RXFP1: variants seen among roughly 807,000 people sequenced by gnomAD.
The protein encoded by RXFP1 is relaxin receptor 1.
A neutral mutation model predicts 89.8 loss-of-function variants in RXFP1; 73 were observed. The observed-to-expected ratio is 0.81, with a 90% CI of 0.67 to 0.99. RXFP1 has a LOEUF of 0.99. Ranked by LOEUF, RXFP1 falls within the 50% of genes least tolerant of loss-of-function variation. The probability of loss-of-function intolerance (pLI) is 0.00; values close to 1 mark genes in which losing one functional copy is unlikely to be tolerated. For synonymous variants in RXFP1, 277 were observed against 305.5 expected, an observed-to-expected ratio of 0.91 and a Z score of 0.97; for missense variants, 793 against 895.5, an observed-to-expected ratio of 0.89 and a Z score of 1.46.
Position 158,600,453 on chromosome 4 carries a change from T to C in RXFP1, c.392+1022T>C, listed in dbSNP as rs147957876. ...AAAGAGGGAACATTTCCACTTGAAC[T>C]AAGGAAAAGAAGAGCTCTTCAGCAT... On this transcript the variant is annotated intron_variant, in intron 4 of 17. Coordinates refer to ENST00000307765, the MANE Select transcript of RXFP1 (RefSeq NM_021634.4). Among the ~76,000 whole-genome samples, 6 of 152,292 alleles carry C rather than the reference T, an allele frequency of 3.9e-5. No homozygotes were observed. The South Asian group carries it at 6.2e-4, about 16-fold the overall frequency.
At chr4:158,590,042 A>C (rs1451557090) in intron 2 of RXFP1, among the ~76,000 whole-genome samples, 1 of 152,086 alleles carries the variant, frequency 6.6e-6, no homozygotes. Flanking sequence ...ACAGAGTGAG[A>C]CCCTGTCTCA....
At chr4:158,566,317 C>T (rs1038752119) in intron 1 of RXFP1, among the ~76,000 whole-genome samples, 1 of 152,134 alleles carries the variant, frequency 6.6e-6, no homozygotes, top group South Asian at 2.1e-4. Flanking sequence ...TGTTCTTTAT[C>T]CAATACTTGC....
intron 3 of RXFP1, among the ~76,000 whole-genome samples, chr4:158,594,420 G>T (rs1760130827): frequency 6.6e-6 from 1 of 152,096 alleles, no homozygotes; most frequent in South Asian, 2.1e-4. Flanking sequence ...TGGTAGTGGT[G>T]CTGGTTGTGG....
intron 2 of RXFP1, among the ~76,000 whole-genome samples, chr4:158,577,728 G>GA (rs1756537308): frequency 2.0e-5 from 3 of 151,900 alleles, no homozygotes; most frequent in Admixed American, 6.6e-5. Flanking sequence ...GGATATCGCT[G>GA]AAAAAAATGA....
chr4:158,579,696 A>G (rs1300309302), intron 2 of RXFP1, among the ~76,000 whole-genome samples: 7 of 152,256 alleles, frequency 4.6e-5, no homozygotes, highest in African/African-American at 1.4e-4. Context: ...TAAGGTCGAC[A>G]TAAAGTTCTG....
At chr4:158,648,826 A>T in intron 17 of RXFP1, 109 bp downstream of exon 17, 1 of 729,128 alleles carries the variant, frequency 1.4e-6, no homozygotes, top group Non-Finnish European at 2.2e-6. Context: ...AGAATTGTAC[A>T]TCAGATCCGA....
At chr4:158,629,769 A>C (rs999998621) in intron 11 of RXFP1, among the ~76,000 whole-genome samples, 7 of 151,866 alleles carry the variant, frequency 4.6e-5, no homozygotes, top group African/African-American at 1.7e-4. Flanking sequence ...CTACGACTAT[A>C]GCACACCACC....
intron 2 of RXFP1, among the ~76,000 whole-genome samples, chr4:158,573,792 A>G (rs1021861910): frequency 6.6e-6 from 1 of 152,208 alleles, no homozygotes; most frequent in African/African-American, 2.4e-5. Flanking sequence ...ATAAAAGGGC[A>G]TGGTAATTGT....
intron 1 of RXFP1, among the ~76,000 whole-genome samples, chr4:158,542,105 A>ATTT (rs1239980342): frequency 2.4e-4 from 6 of 25,108 alleles, no homozygotes; most frequent in African/African-American, 3.8e-4. Context: ...ATATATATAT[A>ATTT]TATATTTTTT....
intron 11 of RXFP1, among the ~76,000 whole-genome samples, chr4:158,631,802 G>T (rs1452199812): frequency 6.6e-6 from 1 of 152,112 alleles, no homozygotes; most frequent in African/African-American, 2.4e-5. Flanking sequence ...ATATTTAAAG[G>T]TTCATTATGG....
intron 11 of RXFP1, among the ~76,000 whole-genome samples, chr4:158,631,822 G>A (rs892245924): frequency 2.6e-5 from 4 of 152,232 alleles, no homozygotes; most frequent in Non-Finnish European, 5.9e-5. Context: ...GCCAGGCGCA[G>A]TGGCTCACAT....
intron 13 of RXFP1, among the ~76,000 whole-genome samples, chr4:158,638,821 A>AG (rs1160365576): frequency 6.6e-6 from 1 of 151,540 alleles, no homozygotes; most frequent in Non-Finnish European, 1.5e-5. Context: ...CAAAAAAAAA[A>AG]AAAAAAGGTA....
intron 15 of RXFP1, chr4:158,646,306 T>G (rs1359091321): frequency 8.6e-6 from 4 of 462,914 alleles, no homozygotes; most frequent in South Asian, 6.2e-5. Context: ...ATTATAGGCT[T>G]CAGAATTCAG....
chr4:158,543,948 A>C (rs1035814987), intron 1 of RXFP1: 17 of 985,274 alleles, frequency 1.7e-5, no homozygotes, highest in South Asian at 4.7e-5. Flanking sequence ...GCCTCTGAGG[A>C]TTCTTGGTGC....
At position 158,546,769 on chromosome 4, in the gene RXFP1, T is replaced by C. The variant is rs192280792; in HGVS notation, c.49+24744T>C. On this transcript the variant is annotated intron_variant, in intron 1 of 17. Coordinates refer to ENST00000307765, the MANE Select transcript of RXFP1 (RefSeq NM_021634.4). ...ATTACGTTTATTGATTTCCATATGT[T>C]GAACCAGCCTTGCATCCCAGGGATG... Among the ~76,000 whole-genome samples, 207 of 152,178 alleles carry C rather than the reference T, an allele frequency of 1.4e-3. 2 individuals carry two copies. The highest frequency in any genetic ancestry group is 4.8e-3 in the African/African-American group (199 of 41,538).
intron 8 of RXFP1, among the ~76,000 whole-genome samples, chr4:158,614,054 G>C (rs1220229771): frequency 6.6e-6 from 1 of 152,186 alleles, no homozygotes; most frequent in African/African-American, 2.4e-5. Context: ...AGTGTATCTT[G>C]AAAGGAAATC....
chr4:158,644,894 C>G lies in RXFP1; in HGVS notation c.1116-15C>G. 1 of 1,558,486 alleles carries G rather than the reference C, an allele frequency of 6.4e-7. No individual in the cohort carries two copies. The highest frequency in any genetic ancestry group is 8.8e-7 in the Non-Finnish European group (1 of 1,131,620). On this transcript the variant is annotated splice_polypyrimidine_tract_variant and intron_variant, in intron 14 of 17. Transcript: ENST00000307765. Reference sequence around the variant, plus strand: ...TAAATGGAAAATCTTATTTTACTTTCTCTTTGTACACCAGATATTTTAAGA... The same window carrying G: ...TAAATGGAAAATCTTATTTTACTTTGTCTTTGTACACCAGATATTTTAAGA...
intron 11 of RXFP1, among the ~76,000 whole-genome samples, chr4:158,631,505 T>C (rs2150203724): frequency 6.6e-6 from 1 of 152,200 alleles, no homozygotes; most frequent in East Asian, 1.9e-4. Context: ...ACAGTTGTAG[T>C]ATGATGTTAT....
chr4:158,544,767 G>C (rs1258260037), intron 1 of RXFP1, among the ~76,000 whole-genome samples: 1 of 152,122 alleles, frequency 6.6e-6, no homozygotes, highest in African/African-American at 2.4e-5. Flanking sequence ...TCCCTAAAAA[G>C]GACATGAACT....
Sources: allele counts gnomAD v4.1 joint callset (sites outside exome capture counted in the v4.1 genomes callset), GRCh38; gene constraint gnomAD v4.1.1; transcripts MANE v1.5; gene names NCBI Gene and HGNC (gene_info 2026-07-23, HGNC 2026-07-21).